The following ERICH5 variants were observed in gnomAD, a reference collection of about 807,000 sequenced individuals.
The protein encoded by ERICH5 is glutamate rich 5.
A neutral mutation model predicts 28.0 loss-of-function variants in ERICH5; 24 were observed. That is an observed-to-expected ratio of 0.86 (90% confidence interval 0.62 to 1.21). The LOEUF (loss-of-function observed/expected upper bound fraction) is 1.21. Ranked by LOEUF, ERICH5 falls within the 50% of genes most tolerant of loss-of-function variation. ERICH5 has a pLI of 0.00. For missense variants in ERICH5, 421 were observed against 441.2 expected (o/e 0.95, Z 0.41); for synonymous variants, 163 against 157.6 (o/e 1.03, Z -0.25).
chr8:98,078,229 C>T (rs1167175506), intron 1 of ERICH5, among the ~76,000 whole-genome samples: 2 of 152,050 alleles, frequency 1.3e-5, no homozygotes, highest in Non-Finnish European at 2.9e-5. Flanking sequence ...TAATGCTGCT[C>T]CACAAATGTT....
chr8:98,071,605 G>A (rs1197000287), intron 1 of ERICH5, among the ~76,000 whole-genome samples: 3 of 152,042 alleles, frequency 2.0e-5, no homozygotes, highest in South Asian at 2.1e-4. Flanking sequence ...AGCCTCCTAA[G>A]GTGCTGGGAT....
rs1255687222 is a variant in ERICH5 at position 98,093,433 on chromosome 8, C to T, written c.*100C>T. On this transcript the variant is annotated 3_prime_UTR_variant, in exon 3 of 3. Coordinates refer to ENST00000318528, the MANE Select transcript of ERICH5 (RefSeq NM_173549.3). ...TTATCTTTCTACATTTACATGTTTT[C>T]TGTAAGGAGTGTGGTTATAGAGAGA... 1 of 750,862 alleles carries T rather than the reference C, an allele frequency of 1.3e-6. No homozygotes were observed. Among genetic ancestry groups the T allele is most frequent in the Non-Finnish European group, 2.2e-6 (1 of 457,286 alleles). The allele number at this position is 750,862 out of a possible 1,614,324, so 46.5% of individuals were successfully genotyped here. A position where few individuals can be genotyped will look rare whatever the true frequency, so the allele number is the denominator to read the frequency against.
intron 1 of ERICH5, among the ~76,000 whole-genome samples, chr8:98,070,660 C>CAAAAA (rs769042472): frequency 0.019 from 718 of 38,082 alleles, 34 homozygotes; most frequent in African/African-American, 0.043. Flanking sequence ...AACTGCATCT[C>CAAAAA]AAAAAAAAAA....
chr8:98,084,830 T>G (rs1227768653), intron 1 of ERICH5, among the ~76,000 whole-genome samples: 2 of 152,160 alleles, frequency 1.3e-5, no homozygotes, highest in Non-Finnish European at 2.9e-5. Flanking sequence ...ATAGTGTACA[T>G]TTTAGTAAAC....
chr8:98,091,900 C>CTTTCTTTCTTTCCTTTCTTT lies in ERICH5; in HGVS notation c.1013-1321_1013-1320insTTTCTTTCTTTCCTTTCTTT. 3.7e-3 allele frequency among the ~76,000 whole-genome samples: 273 copies of CTTTCTTTCTTTCCTTTCTTT among 74,582 alleles called. 2 individuals carry two copies. Among genetic ancestry groups the CTTTCTTTCTTTCCTTTCTTT allele is most frequent in the East Asian group, 0.013 (40 of 3,024 alleles). 48.9% of individuals were successfully genotyped at this position (74,582 alleles called of 152,430 possible). ...TCTTTCTTTCTTTCTTTCTTTCTTT[C>CTTTCTTTCTTTCCTTTCTTT]CTTTCTTTCTTTCTTTCTTCCTTTC... On this transcript the variant is annotated intron_variant, in intron 2 of 2. Coordinates refer to ENST00000318528, the MANE Select transcript of ERICH5 (RefSeq NM_173549.3).
intron 1 of ERICH5, among the ~76,000 whole-genome samples, chr8:98,079,579 G>T (rs1167873343): frequency 2.0e-5 from 3 of 152,090 alleles, no homozygotes; most frequent in Admixed American, 1.3e-4. Flanking sequence ...CGCTCTTGTT[G>T]CTCAGGCTGG....
At chr8:98,092,032 C>T (rs1815419306) in intron 2 of ERICH5, among the ~76,000 whole-genome samples, 1 of 10,602 alleles carries the variant, frequency 9.4e-5, no homozygotes, top group South Asian at 4.0e-3. Flanking sequence ...CCTTTCGAGA[C>T]AAGATCTTCA....
chr8:98,086,015 C>A (rs1563757367), intron 1 of ERICH5, among the ~76,000 whole-genome samples: 1 of 152,164 alleles, frequency 6.6e-6, no homozygotes, highest in Non-Finnish European at 1.5e-5. Context: ...CCCATGTTTT[C>A]ATTTGGAAAG....
rs757818738 is a variant in ERICH5 at position 98,089,212 on chromosome 8, C to G, written c.195C>G (p.Leu65=). 2 of 1,614,188 alleles carry G rather than the reference C, an allele frequency of 1.2e-6. No homozygotes were observed. The highest frequency in any genetic ancestry group is 2.2e-5 in the South Asian group (2 of 91,086). The stretch of plus-strand genomic sequence containing the variant: ...AAAGCCGTCCTCCCTTACAAAAGCT[C>G]AAGGTTTCAGCAGAGCCTACAGCTA... The part of the protein sequence containing the change: ...QRESRPPLQK[L]KVSAEPTANG... Residue 65 remains leucine, a synonymous_variant, in exon 2 of 3, where the codon CTC becomes CTG. Transcript: ENST00000318528.
At chr8:98,076,414 A>C (rs1815057397) in intron 1 of ERICH5, among the ~76,000 whole-genome samples, 1 of 145,134 alleles carries the variant, frequency 6.9e-6, no homozygotes, top group African/African-American at 2.6e-5. Flanking sequence ...TTTCCTCGTG[A>C]TCTAGCCAAG....
intron 1 of ERICH5, among the ~76,000 whole-genome samples, chr8:98,075,678 G>T (rs1403223923): frequency 6.6e-6 from 1 of 151,110 alleles, no homozygotes; most frequent in Non-Finnish European, 1.5e-5. Context: ...CCCCACGCTT[G>T]AGGCCCAAAT....
In ERICH5 at chr8:98,073,488, AT is replaced by A. The variant is rs1814978962; in HGVS notation, c.58+8762del. On this transcript the variant is annotated intron_variant, in intron 1 of 2. Transcript: ENST00000318528. ...TATATATATATATATATATATATGT[AT>A]ATATATATATATATATATATATATA... is the stretch of plus-strand genomic sequence containing the variant. Among the ~76,000 whole-genome samples, 10 of 2,502 alleles carry A rather than the reference AT, an allele frequency of 4.0e-3. 2 individuals carry two copies. The highest frequency in any genetic ancestry group is 0.014 in the African/African-American group (9 of 650). The allele number at this position is 2,502 out of a possible 152,430, so 1.6% of individuals were successfully genotyped here.
rs112588108 is a variant in ERICH5 at position 98,091,838 on chromosome 8, T to C, written c.1013-1383T>C. ...ACTTTCTTTTTCTTTCTTTTTCTTT[T>C]TCTTTCTTTCTTTCTTTCTTTCTTT... On this transcript the variant is annotated intron_variant, in intron 2 of 2. Coordinates refer to ENST00000318528, the MANE Select transcript of ERICH5 (RefSeq NM_173549.3). 2.1e-4 allele frequency among the ~76,000 whole-genome samples: 11 copies of C among 52,122 alleles called. No homozygotes were observed. The East Asian group carries it at 3.0e-3, about 14-fold the overall frequency. 34.2% of individuals were successfully genotyped at this position (52,122 alleles called of 152,430 possible). A position where few individuals can be genotyped will look rare whatever the true frequency, so the allele number is the denominator to read the frequency against.
rs1444741201 is a variant in ERICH5, at chr8:98,091,893, TTTCTTTCC to T, written c.1013-1325_1013-1318del. On this transcript the variant is annotated intron_variant, in intron 2 of 2. Coordinates refer to ENST00000318528, the MANE Select transcript of ERICH5 (RefSeq NM_173549.3). ...CTTTCTTTCTTTCTTTCTTTCTTTC[TTTCTTTCC>T]TTTCTTTCTTTCTTTCTTCCTTTCT... Among the ~76,000 whole-genome samples the T allele has an allele frequency of 7.1e-5, 5 of 69,950 alleles. 1 individual carries two copies. Among genetic ancestry groups the T allele is most frequent in the Admixed American group, 1.7e-4 (1 of 5,966 alleles). The allele number at this position is 69,950 out of a possible 152,430, so 45.9% of individuals were successfully genotyped here.
chr8:98,065,067 C>A (rs1814796735), intron 1 of ERICH5, among the ~76,000 whole-genome samples: 2 of 152,176 alleles, frequency 1.3e-5, no homozygotes, highest in Admixed American at 6.5e-5. Flanking sequence ...TTGCCTTAAA[C>A]ACAGGAGAAA....
At chr8:98,065,808 A>T (rs562332659) in intron 1 of ERICH5, among the ~76,000 whole-genome samples, 4 of 152,122 alleles carry the variant, frequency 2.6e-5, no homozygotes, top group Non-Finnish European at 5.9e-5. Flanking sequence ...CTTTTCACAG[A>T]TTTTCTCTTA....
At chr8:98,082,589 G>A (rs1815203135) in intron 1 of ERICH5, among the ~76,000 whole-genome samples, 1 of 149,066 alleles carries the variant, frequency 6.7e-6, no homozygotes, top group African/African-American at 2.5e-5. Flanking sequence ...AGATTGCAGT[G>A]AGCCAAGATC....
chr8:98,081,493 G>C (rs762578127), intron 1 of ERICH5, among the ~76,000 whole-genome samples: 2 of 152,282 alleles, frequency 1.3e-5, no homozygotes, highest in Middle Eastern at 3.4e-3. Flanking sequence ...GTGGGTGCTA[G>C]TCTCTGTACT....
In ERICH5 at chr8:98,089,752, T is replaced by A. The variant is rs1467022380; in HGVS notation, c.735T>A (p.Leu245=). 6.2e-7 allele frequency: 1 copy of A among 1,614,030 alleles called. No individual in the cohort carries two copies. The highest frequency in any genetic ancestry group is 1.3e-5 in the African/African-American group (1 of 74,928). The change falls in exon 2 of 3, where the codon CTT becomes CTA. Residue 245 remains leucine, a synonymous_variant. Transcript: ENST00000318528. ...TGGAAACAGCTGAAGAGCAGCAACT[T>A]CAGGCAACATTGGGAAAAGAGGAGC... The part of the protein sequence containing the change: ...QFVETAEEQQ[L]QATLGKEEQP...
Sources: allele counts gnomAD v4.1 joint callset (sites outside exome capture counted in the v4.1 genomes callset), GRCh38; gene constraint gnomAD v4.1.1; transcripts MANE v1.5; gene names NCBI Gene and HGNC (gene_info 2026-07-23, HGNC 2026-07-21).